Variants in STK40 observed in about 807,000 individuals in gnomAD.
STK40 encodes serine/threonine kinase 40.
A neutral mutation model predicts 47.9 loss-of-function variants in STK40; 13 were observed. That is an observed-to-expected ratio of 0.27 (90% CI 0.18 to 0.43). The LOEUF (loss-of-function observed/expected upper bound fraction) is 0.43, where lower values mean the gene tolerates loss of function less well. Ranked by LOEUF, STK40 falls within the 20% of genes least tolerant of loss-of-function variation. STK40 has a pLI of 1.00. For synonymous variants in STK40, 225 were observed against 243.2 expected (o/e 0.93, Z 0.69); for missense variants, 460 against 595.1 (o/e 0.77, Z 2.36).
At chr1:36,352,147 G>A (rs987392759) in intron 6 of STK40, among the ~76,000 whole-genome samples, 4 of 152,314 alleles carry the variant, frequency 2.6e-5, no homozygotes, top group African/African-American at 9.6e-5. Context: ...ATGATGCAGA[G>A]CTATGGCTGG....
chr1:36,343,060 A>T (rs1383063131), intron 10 of STK40: 4 of 603,466 alleles, frequency 6.6e-6, no homozygotes, highest in Non-Finnish European at 1.2e-5. Context: ...GGGGGCAGAG[A>T]AATGTGACTT....
intron 1 of STK40, among the ~76,000 whole-genome samples, chr1:36,370,630 C>T (rs1483215746): frequency 6.6e-6 from 1 of 152,176 alleles, no homozygotes; most frequent in Non-Finnish European, 1.5e-5. Flanking sequence ...TCCTGCGCAC[C>T]TCTCTGGGTG....
Position 36,378,332 on chromosome 1 carries a change from G to A in STK40, c.-9+7391C>T, listed in dbSNP as rs370898928. Among the ~76,000 whole-genome samples the A allele has an allele frequency of 1.1e-4, 16 of 152,194 alleles. 1 individual carries two copies. In the East Asian group the frequency reaches 2.1e-3, roughly 20 times the overall value. On this transcript the variant is annotated intron_variant, in intron 1 of 10. Coordinates refer to ENST00000373132, the MANE Select transcript of STK40 (RefSeq NM_001282547.2). The stretch of plus-strand genomic sequence containing the variant: ...TCCCAGCTCTGCCCTTACTGGCTGT[G>A]TAATAGTAGACAGTCTTTTTACCCC...
At chr1:36,346,088 A>T (rs1344980897) in intron 7 of STK40, among the ~76,000 whole-genome samples, 1 of 142,662 alleles carries the variant, frequency 7.0e-6, no homozygotes, top group Admixed American at 7.3e-5. Flanking sequence ...TCCGCCTCCC[A>T]GGTTCACGCC....
intron 1 of STK40, among the ~76,000 whole-genome samples, chr1:36,374,271 G>A (rs1256516530): frequency 6.6e-6 from 1 of 152,234 alleles, no homozygotes; most frequent in African/African-American, 2.4e-5. Context: ...ACCTCCTTTG[G>A]AGGCTGCAAA....
At chr1:36,343,201 A>G (rs1229040310) in intron 10 of STK40, 163 bp downstream of exon 10, 1 of 810,736 alleles carries the variant, frequency 1.2e-6, no homozygotes, top group African/African-American at 1.7e-5. Flanking sequence ...CAGGCAGCTC[A>G]GGCTGAGGAC....
intron 7 of STK40, among the ~76,000 whole-genome samples, chr1:36,344,791 C>T (rs1488942151): frequency 6.6e-6 from 1 of 152,262 alleles, no homozygotes; most frequent in African/African-American, 2.4e-5. Flanking sequence ...GTGCCCAGCA[C>T]GGACCCAAGT....
At chr1:36,346,389 C>T (rs1239942581) in intron 7 of STK40, among the ~76,000 whole-genome samples, 1 of 152,212 alleles carries the variant, frequency 6.6e-6, no homozygotes, top group African/African-American at 2.4e-5. Flanking sequence ...TAACTTCCCC[C>T]AAATTCACAT....
At chr1:36,371,306 G>C (rs1466065151) in intron 1 of STK40, among the ~76,000 whole-genome samples, 1 of 151,892 alleles carries the variant, frequency 6.6e-6, no homozygotes, top group Non-Finnish European at 1.5e-5. Context: ...TGTAATCCCA[G>C]CACTTTGGGA....
chr1:36,354,140 T>C (rs764002098), intron 6 of STK40, among the ~76,000 whole-genome samples: 1 of 152,088 alleles, frequency 6.6e-6, no homozygotes, highest in Non-Finnish European at 1.5e-5. Flanking sequence ...ACAAGGGAGA[T>C]CTAAAGTTCT....
intron 4 of STK40, among the ~76,000 whole-genome samples, chr1:36,356,987 A>G (rs150437374): frequency 7.4e-4 from 112 of 152,324 alleles, no homozygotes; most frequent in African/African-American, 2.5e-3. Flanking sequence ...TCTAATTGCA[A>G]ATCTAAGAAC....
rs778167317 is a variant in STK40 at position 36,384,030 on chromosome 1, T to TC, written c.-9+1692dup. On this transcript the variant is annotated intron_variant, in intron 1 of 10. Coordinates refer to ENST00000373132, the MANE Select transcript of STK40 (RefSeq NM_001282547.2). Reference sequence around the variant, plus strand: ...GCTGCTGCTATTAGCTTCTTCTTCTTCTTTTTTTTTTTTTTTTGAGACAGA... The same window carrying TC: ...GCTGCTGCTATTAGCTTCTTCTTCTTCCTTTTTTTTTTTTTTTTGAGACAGA... 1.5e-3 allele frequency among the ~76,000 whole-genome samples: 164 copies of TC among 108,790 alleles called. 2 individuals are homozygous for TC. The highest frequency in any genetic ancestry group is 5.5e-3 in the African/African-American group (158 of 28,702). The allele number at this position is 108,790 out of a possible 152,430, so 71.4% of individuals were successfully genotyped here.
At chr1:36,376,053 G>A (rs1646989843) in intron 1 of STK40, among the ~76,000 whole-genome samples, 1 of 152,100 alleles carries the variant, frequency 6.6e-6, no homozygotes, top group Non-Finnish European at 1.5e-5. Context: ...GACTTTGACA[G>A]CGAGCAATAC....
intron 1 of STK40, among the ~76,000 whole-genome samples, chr1:36,370,350 T>A (rs1646934788): frequency 6.6e-6 from 1 of 152,248 alleles, no homozygotes; most frequent in Non-Finnish European, 1.5e-5. Flanking sequence ...CAGCCTGGCC[T>A]GTCCCTTCAC....
At chr1:36,359,897 G>T (rs1275736690) in intron 2 of STK40, among the ~76,000 whole-genome samples, 6 of 152,316 alleles carry the variant, frequency 3.9e-5, no homozygotes, top group African/African-American at 1.4e-4. Flanking sequence ...GGCCTCTGCA[G>T]TGCTGTTTCT....
At position 36,358,333 on chromosome 1, in the gene STK40, T is replaced by A. The variant is rs1409265008; in HGVS notation, c.248A>T (p.Glu83Val). The A allele has an allele frequency of 6.2e-7, 1 of 1,609,980 alleles. No individual in the cohort carries two copies. The highest frequency in any genetic ancestry group is 1.7e-5 in the Admixed American group (1 of 59,976). Reference sequence around the variant, plus strand: ...GTGCAGCAGCATCTTGCCCTGCCGCTCTTCCTGGCTCTCTATGCCTTGGTC... The same window carrying A: ...GTGCAGCAGCATCTTGCCCTGCCGCACTTCCTGGCTCTCTATGCCTTGGTC... ...RGDQGIESQE[E>V]RQGKMLLHTE... The change falls in exon 4 of 11, where the codon GAG (glutamate) becomes GTG (valine). Residue 83 changes from glutamate to valine, a missense_variant. Glu to Val is a moderately radical substitution (Grantham distance 121, BLOSUM62 -2). Coordinates refer to ENST00000373132, the MANE Select transcript of STK40 (RefSeq NM_001282547.2).
intron 1 of STK40, among the ~76,000 whole-genome samples, chr1:36,362,278 G>C (rs926726125): frequency 6.6e-6 from 1 of 152,196 alleles, no homozygotes; most frequent in Non-Finnish European, 1.5e-5. Context: ...ATCCGGGGGG[G>C]ACAAGGAAAC....
chr1:36,357,862 A>G (rs1019946771), intron 4 of STK40, among the ~76,000 whole-genome samples: 5 of 152,106 alleles, frequency 3.3e-5, no homozygotes, highest in Non-Finnish European at 7.4e-5. Context: ...TGATCTGCCC[A>G]CCTCGGCTTC....
In STK40 at chr1:36,345,991, A is replaced by ATATTT; in HGVS notation, c.740-1728_740-1727insAAATA. Reference sequence around the variant, plus strand: ...TACATATATATATATATATATATATATTTTTTTTTTTTTTTTTTCCTGAGA... The same window carrying ATATTT: ...TACATATATATATATATATATATATATATTTTTTTTTTTTTTTTTTTTTCCTGAGA... On this transcript the variant is annotated intron_variant, in intron 7 of 10. Transcript: ENST00000373132. Among the ~76,000 whole-genome samples, 194 of 26,476 alleles carry ATATTT rather than the reference A, an allele frequency of 7.3e-3. 9 individuals are homozygous for ATATTT. The highest frequency in any genetic ancestry group is 9.3e-3 in the South Asian group (6 of 642). The allele number at this position is 26,476 out of a possible 152,430, so 17.4% of individuals were successfully genotyped here.
Sources: allele counts gnomAD v4.1 joint callset (sites outside exome capture counted in the v4.1 genomes callset), GRCh38; gene constraint gnomAD v4.1.1; transcripts MANE v1.5; gene names NCBI Gene and HGNC (gene_info 2026-07-23, HGNC 2026-07-21).